Variants in COL24A1 observed in about 807,000 individuals in gnomAD.
COL24A1 encodes the protein collagen type XXIV alpha 1 chain.
In COL24A1, 224 loss-of-function variants were observed where a neutral mutation model predicts 253.9. The observed-to-expected ratio is 0.88, with a 90% CI of 0.79 to 0.99. The LOEUF (loss-of-function observed/expected upper bound fraction) is 0.99. COL24A1 is among the 50% of genes least tolerant of loss of function. The pLI is 0.00. For synonymous variants in COL24A1, 685 were observed against 673.7 expected (o/e 1.02, Z -0.26); for missense variants, 2,131 against 2,068.5 (o/e 1.03, Z -0.59).
rs1206807785 is a variant in COL24A1, at chr1:85,729,822, A to AT, written c.*723dup. 6.6e-6 allele frequency: 1 copy of AT among 152,632 alleles called. No homozygotes were observed. The highest frequency in any genetic ancestry group is 1.9e-4 in the East Asian group (1 of 5,208). 9.5% of individuals were successfully genotyped at this position (152,632 alleles called of 1,614,324 possible). A position where few individuals can be genotyped will look rare whatever the true frequency, so the allele number is the denominator to read the frequency against. ...TACAATGTGCTGGCTTTGATTCCAA[A>AT]TACACAAAGAGAATTTTAAAATAAA... On this transcript the variant is annotated 3_prime_UTR_variant, in exon 60 of 60. Coordinates refer to ENST00000370571, the MANE Select transcript of COL24A1 (RefSeq NM_152890.7).
At chr1:86,140,373 T>C (rs1003019055) in intron 2 of COL24A1, among the ~76,000 whole-genome samples, 1 of 152,252 alleles carries the variant, frequency 6.6e-6, no homozygotes, top group Admixed American at 6.5e-5. Flanking sequence ...ATTCTTACTT[T>C]AAATAGCACA....
intron 20 of COL24A1, among the ~76,000 whole-genome samples, chr1:85,977,380 G>T (rs959584438): frequency 1.3e-5 from 2 of 152,136 alleles, no homozygotes; most frequent in African/African-American, 4.8e-5. Flanking sequence ...TCTCTGAATT[G>T]CCAGATAAAG....
chr1:86,102,862 T>C (rs1571924829), intron 5 of COL24A1, among the ~76,000 whole-genome samples: 1 of 152,132 alleles, frequency 6.6e-6, no homozygotes, highest in Non-Finnish European at 1.5e-5. Flanking sequence ...TCTGTTGTTT[T>C]GGGTGGTGAG....
intron 58 of COL24A1, chr1:85,736,699 C>T (rs771816021): frequency 6.5e-5 from 22 of 340,988 alleles, no homozygotes; most frequent in Admixed American, 5.7e-4. Context: ...ACAATAGGCA[C>T]ATGTATCAGT....
chr1:86,086,854 C>T (rs538823381), intron 7 of COL24A1, among the ~76,000 whole-genome samples: 16 of 152,128 alleles, frequency 1.1e-4, no homozygotes, highest in African/African-American at 3.6e-4. Context: ...GCCATTATAT[C>T]CTTTTCCTAG....
Position 85,841,250 on chromosome 1 carries a change from A to C in COL24A1, c.3599T>G (p.Leu1200Arg). 6.2e-7 allele frequency: 1 copy of C among 1,604,014 alleles called. No individual in the cohort carries two copies. The highest frequency in any genetic ancestry group is 8.5e-7 in the Non-Finnish European group (1 of 1,176,100). Reference sequence around the variant, plus strand: ...TTCACCTCGAGGCCCAGGTGGTCCTAGGACTGTGCTATCTTCTCCTGGGTA... The same window carrying C: ...TTCACCTCGAGGCCCAGGTGGTCCTCGGACTGTGCTATCTTCTCCTGGGTA... Reference protein sequence around the residue: ...KGYPGEDSTVLGPPGPRGEPG... With the variant: ...KGYPGEDSTVRGPPGPRGEPG... Residue 1200 changes from leucine (L) to arginine (R), a missense_variant, in exon 42 of 60, where the codon CTA becomes CGA. Coordinates refer to ENST00000370571, the MANE Select transcript of COL24A1 (RefSeq NM_152890.7).
At chr1:85,778,382 C>T (rs1045988679) in intron 52 of COL24A1, among the ~76,000 whole-genome samples, 10 of 151,978 alleles carry the variant, frequency 6.6e-5, no homozygotes, top group Non-Finnish European at 1.0e-4. Context: ...GTAATACAGC[C>T]GTGAACTACT....
intron 47 of COL24A1, among the ~76,000 whole-genome samples, chr1:85,795,621 C>T (rs979775299): frequency 9.9e-5 from 15 of 152,130 alleles, no homozygotes; most frequent in Middle Eastern, 3.4e-3. Context: ...CTTTAAAGTA[C>T]TACCTTAACA....
At chr1:85,747,274 CA>C (rs1264677239) in intron 55 of COL24A1, among the ~76,000 whole-genome samples, 2 of 151,572 alleles carry the variant, frequency 1.3e-5, no homozygotes, top group African/African-American at 4.8e-5. Context: ...ACAACACACC[CA>C]GCTAATTTTT....
intron 43 of COL24A1, among the ~76,000 whole-genome samples, chr1:85,829,407 T>C (rs890114824): frequency 2.0e-5 from 3 of 151,250 alleles, no homozygotes; most frequent in African/African-American, 7.3e-5. Context: ...TGTCTTGGAG[T>C]TGCTCTTCTC....
chr1:85,973,305 G>C (rs564639611), intron 20 of COL24A1, among the ~76,000 whole-genome samples: 1 of 152,238 alleles, frequency 6.6e-6, no homozygotes, highest in South Asian at 2.1e-4. Flanking sequence ...CAGTAAGACA[G>C]AGTCCCTGTT....
chr1:86,067,095 C>A (rs538712834), intron 7 of COL24A1, among the ~76,000 whole-genome samples: 1 of 151,228 alleles, frequency 6.6e-6, no homozygotes, highest in Non-Finnish European at 1.5e-5. Context: ...GCCGAGATTG[C>A]GCCACTGCAC....
At chr1:85,903,417 T>C (rs948890568) in intron 28 of COL24A1, among the ~76,000 whole-genome samples, 1 of 152,218 alleles carries the variant, frequency 6.6e-6, no homozygotes, top group Non-Finnish European at 1.5e-5. Context: ...TTACTGTATA[T>C]GTCTGCTTTG....
At chr1:85,736,493 G>T (rs1235998202) in intron 58 of COL24A1, 1 of 456,184 alleles carries the variant, frequency 2.2e-6, no homozygotes, top group Non-Finnish European at 4.4e-6. Flanking sequence ...TTTATTAGAG[G>T]TTCATGATTC....
chr1:85,787,829 C>G (rs773839260), intron 47 of COL24A1, among the ~76,000 whole-genome samples: 2 of 152,164 alleles, frequency 1.3e-5, no homozygotes, highest in Admixed American at 6.5e-5. Context: ...AATGGTTGGA[C>G]TAATTTACAT....
chr1:85,873,679 C>G (rs1005702523), intron 35 of COL24A1, among the ~76,000 whole-genome samples: 2 of 150,846 alleles, frequency 1.3e-5, no homozygotes, highest in South Asian at 2.1e-4. Flanking sequence ...CACACACTGT[C>G]GTGGGGTAGG....
chr1:85,988,256 ATC>A (rs1693912329), intron 19 of COL24A1, among the ~76,000 whole-genome samples: 1 of 152,008 alleles, frequency 6.6e-6, no homozygotes, highest in Non-Finnish European at 1.5e-5. Flanking sequence ...TACAAGTTCC[ATC>A]ATTAATTAAT....
At chr1:85,965,168 T>A in intron 22 of COL24A1, 106 bp from the exon 23 acceptor site, 1 of 810,082 alleles carries the variant, frequency 1.2e-6, no homozygotes, top group Non-Finnish European at 1.9e-6. Context: ...TAAATTTAAA[T>A]ACTTTAAAAT....
chr1:85,854,327 C>T (rs984585376), intron 37 of COL24A1, among the ~76,000 whole-genome samples: 3 of 152,298 alleles, frequency 2.0e-5, no homozygotes, highest in African/African-American at 7.2e-5. Context: ...GTCTGTGTAA[C>T]TGTTTTTGTA....
Sources: allele counts gnomAD v4.1 joint callset (sites outside exome capture counted in the v4.1 genomes callset), GRCh38; gene constraint gnomAD v4.1.1; transcripts MANE v1.5; gene names NCBI Gene and HGNC (gene_info 2026-07-23, HGNC 2026-07-21).